The following UBE2G1 variants were observed in gnomAD, a reference collection of about 807,000 sequenced individuals.
UBE2G1 encodes the protein ubiquitin conjugating enzyme E2 G1.
In UBE2G1, 5 loss-of-function variants were observed where a neutral mutation model predicts 22.7. The observed-to-expected ratio is 0.22, with a 90% CI of 0.12 to 0.46. The LOEUF (loss-of-function observed/expected upper bound fraction) is 0.46, where lower values mean the gene tolerates loss of function less well. Ranked by LOEUF, UBE2G1 falls within the 20% of genes least tolerant of loss-of-function variation. UBE2G1 has a pLI of 0.99. For synonymous variants in UBE2G1, 74 were observed against 67.5 expected (o/e 1.10, Z -0.47); for missense variants, 88 against 203.9 (o/e 0.43, Z 3.46).
Position 4,353,197 on chromosome 17 carries a change from G to A in UBE2G1, c.46+13074C>T, listed in dbSNP as rs569211181. Among the ~76,000 whole-genome samples the A allele has an allele frequency of 1.4e-3, 220 of 152,042 alleles. 1 individual carries two copies. The highest frequency in any genetic ancestry group is 3.2e-3 in the Admixed American group (49 of 15,254). ...CACGCCACTGCACTCCAGCCTGGGC[G>A]ACAGAGTGAGACTCCATCTCGAAAA... On this transcript the variant is annotated intron_variant, in intron 1 of 5. Transcript: ENST00000396981.
chr17:4,316,745 G>A (rs1775372055), intron 1 of UBE2G1, among the ~76,000 whole-genome samples: 2 of 151,976 alleles, frequency 1.3e-5, no homozygotes, highest in South Asian at 2.1e-4. Flanking sequence ...AGTGCTTTGG[G>A]AGGTCAAGGT....
chr17:4,300,013 G>A (rs1029469182), intron 2 of UBE2G1, among the ~76,000 whole-genome samples: 14 of 151,524 alleles, frequency 9.2e-5, no homozygotes, highest in African/African-American at 3.1e-4. Flanking sequence ...CTTTAGTAGA[G>A]ACGGGGTTTC....
chr17:4,318,305 G>A (rs115678074), intron 1 of UBE2G1, among the ~76,000 whole-genome samples: 3,125 of 152,126 alleles, frequency 0.021, 84 homozygotes, highest in African/African-American at 0.058. Flanking sequence ...TATTTCTTTT[G>A]GAAAATACTA....
At chr17:4,365,733 C>A (rs898111691) in intron 1 of UBE2G1, among the ~76,000 whole-genome samples, 1 of 152,208 alleles carries the variant, frequency 6.6e-6, no homozygotes, top group Non-Finnish European at 1.5e-5. Context: ...CCGAGGCCAG[C>A]GCTTTTGTTG....
At chr17:4,352,613 T>A (rs1389962338) in intron 1 of UBE2G1, among the ~76,000 whole-genome samples, 5 of 152,158 alleles carry the variant, frequency 3.3e-5, no homozygotes, top group Non-Finnish European at 5.9e-5. Context: ...AGTAATTTTT[T>A]AAATTATACA....
At chr17:4,314,603 G>A (rs1195241052) in intron 1 of UBE2G1, among the ~76,000 whole-genome samples, 2 of 151,996 alleles carry the variant, frequency 1.3e-5, no homozygotes, top group African/African-American at 4.8e-5. Context: ...ATCAAATGAG[G>A]TTTCTCTCTA....
intron 2 of UBE2G1, among the ~76,000 whole-genome samples, chr17:4,305,874 G>C (rs576074534): frequency 7.2e-5 from 11 of 152,292 alleles, no homozygotes; most frequent in African/African-American, 2.6e-4. Flanking sequence ...ATACATACTA[G>C]TAAATTTAAG....
chr17:4,308,537 A>AC (rs1025816243), intron 1 of UBE2G1, among the ~76,000 whole-genome samples: 1 of 152,168 alleles, frequency 6.6e-6, no homozygotes, highest in Non-Finnish European at 1.5e-5. Flanking sequence ...AAAGAAAAAA[A>AC]ACACACACAC....
At chr17:4,340,912 A>C (rs1180947243) in intron 1 of UBE2G1, among the ~76,000 whole-genome samples, 2 of 139,364 alleles carry the variant, frequency 1.4e-5, no homozygotes, top group African/African-American at 6.0e-5. Flanking sequence ...AAAAAAAAAA[A>C]CAAAACCTTC....
intron 1 of UBE2G1, among the ~76,000 whole-genome samples, chr17:4,354,714 T>C (rs1306483378): frequency 6.6e-6 from 1 of 152,102 alleles, no homozygotes; most frequent in Admixed American, 6.6e-5. Context: ...GAGGATTGCT[T>C]GAACCCAGTA....
chr17:4,338,920 A>T (rs762097728), intron 1 of UBE2G1, among the ~76,000 whole-genome samples: 1 of 152,290 alleles, frequency 6.6e-6, no homozygotes, highest in East Asian at 1.9e-4. Flanking sequence ...TGACGGTGCT[A>T]GTGCCTACTG....
chr17:4,327,218 A>G (rs181491661), intron 1 of UBE2G1, among the ~76,000 whole-genome samples: 1 of 152,308 alleles, frequency 6.6e-6, no homozygotes, highest in Admixed American at 6.5e-5. Flanking sequence ...AATCGCTTCA[A>G]CCTGGGAGGC....
chr17:4,300,449 A>T lies in UBE2G1; in HGVS notation c.150-3635T>A, dbSNP rs112155161. Among the ~76,000 whole-genome samples the T allele has an allele frequency of 1.2e-3, 178 of 152,196 alleles. 1 individual carries two copies. The highest frequency in any genetic ancestry group is 4.1e-3 in the African/African-American group (169 of 41,538). Reference sequence around the variant, plus strand: ...TCCCATCTACTCAGGAGGCTGAAGCAGGAGAATGGCTTGAGCCTGGGAGGC... The same window carrying T: ...TCCCATCTACTCAGGAGGCTGAAGCTGGAGAATGGCTTGAGCCTGGGAGGC... On this transcript the variant is annotated intron_variant, in intron 2 of 5. Coordinates refer to ENST00000396981, the MANE Select transcript of UBE2G1 (RefSeq NM_003342.5).
At chr17:4,347,209 A>T (rs1351811405) in intron 1 of UBE2G1, among the ~76,000 whole-genome samples, 1 of 152,106 alleles carries the variant, frequency 6.6e-6, no homozygotes, top group African/African-American at 2.4e-5. Context: ...AATGCTTGGG[A>T]CCAAAAACAT....
In UBE2G1 at chr17:4,350,313, T is replaced by C. The variant is rs540184007; in HGVS notation, c.46+15958A>G. On this transcript the variant is annotated intron_variant, in intron 1 of 5. Transcript: ENST00000396981. ...TCGTCTCTACCAAAAATACAAAAAT[T>C]AGCTGAGCATGGTGGTGCGCCTGTA... 1.6e-4 allele frequency among the ~76,000 whole-genome samples: 24 copies of C among 151,806 alleles called. No homozygotes were observed. In the South Asian group the frequency reaches 4.8e-3, roughly 30 times the overall value.
intron 1 of UBE2G1, among the ~76,000 whole-genome samples, chr17:4,320,266 C>T (rs976224879): frequency 2.0e-5 from 3 of 152,010 alleles, no homozygotes; most frequent in Admixed American, 6.6e-5. Context: ...TGTTTATTCC[C>T]TCATCCTGGA....
rs1387363988 is a variant in UBE2G1, at chr17:4,270,351, T to C, written c.*2203A>G. ...ACAAGCAACCACCATGTGAACAAGT[T>C]CTGATTTTAAAAGGGAGGGATCCCA... On this transcript the variant is annotated 3_prime_UTR_variant, in exon 6 of 6. Coordinates refer to ENST00000396981, the MANE Select transcript of UBE2G1 (RefSeq NM_003342.5). The C allele has an allele frequency of 6.6e-6, 1 of 152,442 alleles. No homozygotes were observed. Among genetic ancestry groups the C allele is most frequent in the Non-Finnish European group, 1.5e-5 (1 of 68,000 alleles). The allele number at this position is 152,442 out of a possible 1,614,324, so 9.4% of individuals were successfully genotyped here.
At chr17:4,337,054 T>C (rs1221892667) in intron 1 of UBE2G1, among the ~76,000 whole-genome samples, 2 of 152,164 alleles carry the variant, frequency 1.3e-5, no homozygotes, top group Non-Finnish European at 2.9e-5. Context: ...CTCTCTCTCC[T>C]TAAATTACTT....
intron 1 of UBE2G1, among the ~76,000 whole-genome samples, chr17:4,326,028 A>G (rs1969501246): frequency 1.3e-5 from 2 of 152,204 alleles, no homozygotes; most frequent in Admixed American, 1.3e-4. Flanking sequence ...GCGAAAAAAT[A>G]AGAGAAAATC....
Sources: gnomAD v4.1 joint callset for allele counts (sites outside exome capture counted in the v4.1 genomes callset) on GRCh38, gnomAD v4.1.1 for gene constraint, MANE v1.5 for transcripts, NCBI Gene and HGNC (gene_info 2026-07-23, HGNC 2026-07-21) for gene names.